Variants in SCAPER observed in about 807,000 individuals in gnomAD.
The protein encoded by SCAPER is S phase cyclin A-associated protein in the endoplasmic reticulum.
SCAPER carries 98 observed loss-of-function variants against 182.2 expected under a neutral mutation model. The observed-to-expected ratio is 0.54, with a 90% CI of 0.46 to 0.64. The LOEUF is 0.64. Among genes scored for constraint, SCAPER ranks in the 30% least tolerant of loss-of-function variants. SCAPER has a pLI of 0.00. For missense variants in SCAPER, 1,432 were observed against 1,690.0 expected, an observed-to-expected ratio of 0.85 and a Z score of 2.68; for synonymous variants, 605 against 564.6, an observed-to-expected ratio of 1.07 and a Z score of -1.01.
chr15:76,653,644 C>G (rs1011933510), intron 21 of SCAPER, among the ~76,000 whole-genome samples: 3 of 152,172 alleles, frequency 2.0e-5, no homozygotes, highest in Admixed American at 2.0e-4. Flanking sequence ...GGTGGAATAA[C>G]TGAATAGCCA....
intron 22 of SCAPER, among the ~76,000 whole-genome samples, chr15:76,614,375 C>T (rs1435788831): frequency 2.0e-5 from 3 of 152,132 alleles, no homozygotes; most frequent in Non-Finnish European, 2.9e-5. Flanking sequence ...CAAATCTGCA[C>T]TTGTAACCCT....
At chr15:76,753,531 T>C (rs1048054489) in intron 15 of SCAPER, among the ~76,000 whole-genome samples, 2 of 151,988 alleles carry the variant, frequency 1.3e-5, no homozygotes, top group Admixed American at 1.3e-4. Context: ...CAAGGATATA[T>C]ACATGTCAAA....
At chr15:76,361,377 C>T (rs1332808001) in intron 29 of SCAPER, among the ~76,000 whole-genome samples, 1 of 152,218 alleles carries the variant, frequency 6.6e-6, no homozygotes, top group Non-Finnish European at 1.5e-5. Context: ...GTGTTAGGCA[C>T]TGGGAATGGA....
intron 25 of SCAPER, among the ~76,000 whole-genome samples, chr15:76,455,155 C>T (rs963229021): frequency 1.3e-5 from 2 of 152,154 alleles, no homozygotes; most frequent in African/African-American, 4.8e-5. Flanking sequence ...TTTGCTTTAA[C>T]TGCATCCCAA....
At chr15:76,558,774 T>C (rs1411787233) in intron 23 of SCAPER, among the ~76,000 whole-genome samples, 1 of 152,046 alleles carries the variant, frequency 6.6e-6, no homozygotes, top group Non-Finnish European at 1.5e-5. Flanking sequence ...TCAATCCAGG[T>C]GCCCATTCAC....
At chr15:76,812,687 T>C (rs888031758) in intron 5 of SCAPER, among the ~76,000 whole-genome samples, 12 of 151,944 alleles carry the variant, frequency 7.9e-5, no homozygotes, top group African/African-American at 2.9e-4. Context: ...CCAATACATA[T>C]ATAACCTAAG....
rs1294243351 is a variant in SCAPER at position 76,348,059 on chromosome 15, A to G, written c.*574T>C. 3 of 152,274 alleles carry G rather than the reference A, an allele frequency of 2.0e-5. No individual in the cohort carries two copies. The highest frequency in any genetic ancestry group is 7.2e-5 in the African/African-American group (3 of 41,468). The allele number at this position is 152,274 out of a possible 1,614,324, so 9.4% of individuals were successfully genotyped here. On this transcript the variant is annotated 3_prime_UTR_variant, in exon 32 of 32. Transcript: ENST00000563290. ...CAATGCCAAGAGAGGATTATCTGCT[A>G]GGAGAGTTCGGGCAGACCAATGAAT...
intron 25 of SCAPER, among the ~76,000 whole-genome samples, chr15:76,448,053 G>A (rs997619420): frequency 2.0e-5 from 3 of 152,176 alleles, no homozygotes; most frequent in Non-Finnish European, 4.4e-5. Flanking sequence ...TGTGTGTTCA[G>A]GAAGCTGCAG....
At chr15:76,437,328 GCAACTGTCTTT>G (rs987705303) in intron 25 of SCAPER, among the ~76,000 whole-genome samples, 44 of 151,948 alleles carry the variant, frequency 2.9e-4, no homozygotes, top group African/African-American at 1.0e-3. Flanking sequence ...GCTAGTTTGG[GCAACTGTCTTT>G]CAATCATGTG....
intron 22 of SCAPER, among the ~76,000 whole-genome samples, chr15:76,591,252 A>C (rs1013682599): frequency 6.6e-6 from 1 of 152,150 alleles, no homozygotes; most frequent in African/African-American, 2.4e-5. Context: ...CAAGACAGCA[A>C]TAGTCGACTT....
chr15:76,717,048 A>T (rs1277492140), intron 17 of SCAPER, among the ~76,000 whole-genome samples: 1 of 151,938 alleles, frequency 6.6e-6, no homozygotes, highest in African/African-American at 2.4e-5. Flanking sequence ...GTCTAGTCAC[A>T]TATAAGGGGA....
chr15:76,774,031 G>T (rs1429850733), intron 9 of SCAPER, among the ~76,000 whole-genome samples: 4 of 151,590 alleles, frequency 2.6e-5, no homozygotes, highest in Non-Finnish European at 5.9e-5. Flanking sequence ...TAACTTTAAG[G>T]AATTATGTTA....
intron 21 of SCAPER, among the ~76,000 whole-genome samples, chr15:76,643,557 C>CT (rs2054280272): frequency 6.6e-6 from 1 of 152,138 alleles, no homozygotes; most frequent in Non-Finnish European, 1.5e-5. Flanking sequence ...TGGCACGCAC[C>CT]TGTAGTCCCA....
intron 20 of SCAPER, among the ~76,000 whole-genome samples, chr15:76,688,912 G>A (rs1330121585): frequency 3.7e-5 from 5 of 136,730 alleles, no homozygotes; most frequent in Non-Finnish European, 6.1e-5. Flanking sequence ...GCCCTGGCAC[G>A]ATCTCGGCTC....
chr15:76,383,409 C>T (rs1053757705), intron 27 of SCAPER, among the ~76,000 whole-genome samples: 13 of 152,264 alleles, frequency 8.5e-5, no homozygotes, highest in South Asian at 2.1e-4. Flanking sequence ...TTCATAACCA[C>T]GGTACACATT....
rs544788024 is a variant in SCAPER at position 76,898,805 on chromosome 15, T to C, written c.-60+6494A>G. 3.3e-5 allele frequency among the ~76,000 whole-genome samples: 5 copies of C among 152,320 alleles called. No homozygotes were observed. The South Asian group carries it at 8.3e-4, about 25-fold the overall frequency. On this transcript the variant is annotated intron_variant, in intron 1 of 31. Transcript: ENST00000563290. ...CTGCTAATGCTTATGGGGTTTCATA[T>C]TGGGATACTGAAAATGTTCTAAACT...
chr15:76,646,786 T>C (rs911992808), intron 21 of SCAPER, among the ~76,000 whole-genome samples: 2 of 152,220 alleles, frequency 1.3e-5, no homozygotes, highest in Admixed American at 1.3e-4. Flanking sequence ...TACTAATTAA[T>C]TTTAGAACAC....
intron 27 of SCAPER, among the ~76,000 whole-genome samples, chr15:76,384,493 C>G (rs976905798): frequency 5.9e-5 from 9 of 152,120 alleles, no homozygotes; most frequent in African/African-American, 1.9e-4. Flanking sequence ...AGAACATCTC[C>G]TCTCCTGCAC....
Position 76,351,268 on chromosome 15 carries a change from A to T in SCAPER, c.4068T>A (p.Gly1356=), listed in dbSNP as rs1170210864. The T allele has an allele frequency of 1.2e-6, 2 of 1,610,258 alleles. No homozygotes were observed. The highest frequency in any genetic ancestry group is 8.5e-7 in the Non-Finnish European group (1 of 1,178,144). The change falls in exon 31 of 32, where the codon GGT becomes GGA. Residue 1356 remains glycine (G), a synonymous_variant. Transcript: ENST00000563290. ...GTTGGTAAGGCTGGTTTTCCGCTTG[A>T]CCTGGAGTCTGTGCCAAATCCTGTA... ...TFIQDLAQTP[G]QAENQPYQPK...
Sources: gnomAD v4.1 joint callset for allele counts (sites outside exome capture counted in the v4.1 genomes callset) on GRCh38, gnomAD v4.1.1 for gene constraint, MANE v1.5 for transcripts, NCBI Gene and HGNC (gene_info 2026-07-23, HGNC 2026-07-21) for gene names.